KCNB2: variants seen among roughly 807,000 people sequenced by gnomAD.
KCNB2 encodes potassium voltage-gated channel subfamily B member 2.
Under a neutral mutation model 61.5 loss-of-function variants are expected in KCNB2, and 15 were observed. That is an observed-to-expected ratio of 0.24 (90% CI 0.16 to 0.38). The LOEUF is 0.38. Ranked by LOEUF, KCNB2 falls within the 10% of genes least tolerant of loss-of-function variation. The pLI is 1.00. For synonymous variants in KCNB2, 457 were observed against 446.0 expected, an observed-to-expected ratio of 1.02 and a Z score of -0.31; for missense variants, 828 against 1,125.2, an observed-to-expected ratio of 0.74 and a Z score of 3.78.
At chr8:72,659,921 T>A (rs1303562353) in intron 2 of KCNB2, among the ~76,000 whole-genome samples, 1 of 152,258 alleles carries the variant, frequency 6.6e-6, no homozygotes, top group African/African-American at 2.4e-5. Context: ...CTCACTTTAA[T>A]GTATTTTTAC....
At chr8:72,635,875 G>T (rs747252108) in intron 2 of KCNB2, among the ~76,000 whole-genome samples, 1 of 152,062 alleles carries the variant, frequency 6.6e-6, no homozygotes, top group African/African-American at 2.4e-5. Flanking sequence ...AGAGAGAATC[G>T]GTCTGATTTC....
chr8:72,835,422 G>A (rs915711887), intron 2 of KCNB2, among the ~76,000 whole-genome samples: 1 of 152,156 alleles, frequency 6.6e-6, no homozygotes. Flanking sequence ...GAAAGATGGA[G>A]AGTTCTCAAG....
chr8:72,731,522 T>C (rs866248083), intron 2 of KCNB2, among the ~76,000 whole-genome samples: 4 of 152,228 alleles, frequency 2.6e-5, no homozygotes, highest in Non-Finnish European at 5.9e-5. Flanking sequence ...AGCAGCTTCA[T>C]ATAAAAGTTA....
chr8:72,649,894 T>C (rs1806187973), intron 2 of KCNB2, among the ~76,000 whole-genome samples: 1 of 152,102 alleles, frequency 6.6e-6, no homozygotes, highest in African/African-American at 2.4e-5. Flanking sequence ...AAGGATGACT[T>C]TTGCATCTCA....
intron 2 of KCNB2, among the ~76,000 whole-genome samples, chr8:72,868,127 A>C (rs1022112952): frequency 2.0e-5 from 3 of 149,824 alleles, no homozygotes; most frequent in Non-Finnish European, 4.4e-5. Flanking sequence ...GCTAGAGTTC[A>C]ATGGTGCAAT....
intron 2 of KCNB2, among the ~76,000 whole-genome samples, chr8:72,898,102 G>C (rs968270669): frequency 6.6e-6 from 1 of 152,084 alleles, no homozygotes; most frequent in African/African-American, 2.4e-5. Context: ...TTTTAATGGG[G>C]ATTCATTTCT....
intron 2 of KCNB2, among the ~76,000 whole-genome samples, chr8:72,843,512 ATCTG>A (rs1266410895): frequency 2.7e-4 from 41 of 152,210 alleles, no homozygotes; most frequent in Non-Finnish European, 1.5e-5. Flanking sequence ...TGTCTCATTG[ATCTG>A]TCTAATGTTG....
intron 2 of KCNB2, among the ~76,000 whole-genome samples, chr8:72,693,366 C>G (rs947824469): frequency 6.6e-6 from 1 of 152,180 alleles, no homozygotes; most frequent in Non-Finnish European, 1.5e-5. Context: ...ACTCCTGTGA[C>G]ACCTCTTGTG....
chr8:72,862,148 A>C (rs561559538), intron 2 of KCNB2, among the ~76,000 whole-genome samples: 205 of 152,314 alleles, frequency 1.3e-3, no homozygotes, highest in African/African-American at 4.7e-3. Context: ...AAACAAAAAG[A>C]GTTGTTACCA....
chr8:72,860,625 G>A lies in KCNB2; in HGVS notation c.580-75310G>A, dbSNP rs545132300. On this transcript the variant is annotated intron_variant, in intron 2 of 2. Coordinates refer to ENST00000523207, the MANE Select transcript of KCNB2 (RefSeq NM_004770.3). ...ATAAAGCTGCAGCTCCATTTGAATGGAGAAGGAGCATCTCATAGCAAGCAG... is the reference window on the plus strand; with the variant it reads ...ATAAAGCTGCAGCTCCATTTGAATGAAGAAGGAGCATCTCATAGCAAGCAG... Among the ~76,000 whole-genome samples, 235 of 152,290 alleles carry A rather than the reference G, an allele frequency of 1.5e-3. 5 individuals carry two copies. In the South Asian group the frequency reaches 0.021, roughly 13 times the overall value.
At chr8:72,756,049 A>G (rs561029861) in intron 2 of KCNB2, among the ~76,000 whole-genome samples, 5 of 152,260 alleles carry the variant, frequency 3.3e-5, no homozygotes, top group South Asian at 4.1e-4. Flanking sequence ...TCTTCTCACA[A>G]GTGGATCAGT....
intron 1 of KCNB2, among the ~76,000 whole-genome samples, chr8:72,544,006 G>T (rs536451540): frequency 6.6e-6 from 1 of 152,248 alleles, no homozygotes; most frequent in South Asian, 2.1e-4. Flanking sequence ...CTAAACATTA[G>T]GGACATCCTA....
At chr8:72,784,196 C>T (rs1030609555) in intron 2 of KCNB2, among the ~76,000 whole-genome samples, 1 of 152,032 alleles carries the variant, frequency 6.6e-6, no homozygotes, top group African/African-American at 2.4e-5. Flanking sequence ...ATCATATCCC[C>T]AGAACTTCTT....
intron 2 of KCNB2, among the ~76,000 whole-genome samples, chr8:72,921,646 T>C (rs542429291): frequency 1.0e-3 from 156 of 152,292 alleles, no homozygotes; most frequent in Middle Eastern, 3.4e-3. Flanking sequence ...AATATGTTAT[T>C]TTGTAGTATT....
intron 2 of KCNB2, among the ~76,000 whole-genome samples, chr8:72,714,329 G>C (rs987584001): frequency 3.9e-5 from 6 of 151,978 alleles, no homozygotes; most frequent in East Asian, 1.9e-4. Context: ...GATACTCCTC[G>C]AGAAGAGCAA....
rs550278352 is a variant in KCNB2 at position 72,583,466 on chromosome 8, A to C, written c.579+15153A>C. ...ATTAATTCTTTCAAAATTCTGTGGC[A>C]AAAAAAAAACAAAAAAAAACCTGTC... On this transcript the variant is annotated intron_variant, in intron 2 of 2. Transcript: ENST00000523207. 5.7e-4 allele frequency among the ~76,000 whole-genome samples: 60 copies of C among 104,918 alleles called. 1 individual carries two copies. In the South Asian group the frequency reaches 0.013, roughly 23 times the overall value. The allele number at this position is 104,918 out of a possible 152,430, so 68.8% of individuals were successfully genotyped here. A position where few individuals can be genotyped will look rare whatever the true frequency, so the allele number is the denominator to read the frequency against.
chr8:72,623,030 C>T (rs1355398888), intron 2 of KCNB2, among the ~76,000 whole-genome samples: 1 of 151,786 alleles, frequency 6.6e-6, no homozygotes, highest in African/African-American at 2.4e-5. Flanking sequence ...AATCAGAATA[C>T]AATAAGAAGG....
intron 2 of KCNB2, among the ~76,000 whole-genome samples, chr8:72,686,266 G>A (rs1473452192): frequency 6.6e-6 from 1 of 152,154 alleles, no homozygotes; most frequent in Non-Finnish European, 1.5e-5. Context: ...TTGTTGGAGT[G>A]TAGCCTGGGC....
chr8:72,881,791 G>A (rs1293598142), intron 2 of KCNB2: 4 of 151,716 alleles, frequency 2.6e-5, no homozygotes, highest in Admixed American at 2.6e-4. Context: ...AATGCAGAGG[G>A]CGTGTTTCCT....
Sources: allele counts gnomAD v4.1 joint callset (sites outside exome capture counted in the v4.1 genomes callset), GRCh38; gene constraint gnomAD v4.1.1; transcripts MANE v1.5; gene names NCBI Gene and HGNC (gene_info 2026-07-23, HGNC 2026-07-21).